The following EFNA5 variants were observed in gnomAD, a reference collection of about 807,000 sequenced individuals.
The protein encoded by EFNA5 is ephrin A5.
A neutral mutation model predicts 22.9 loss-of-function variants in EFNA5; 5 were observed. That is an observed-to-expected ratio of 0.22 (90% CI 0.11 to 0.46). EFNA5 has a LOEUF of 0.46. EFNA5 is among the 20% of genes least tolerant of loss of function. The pLI is 0.99. For synonymous variants in EFNA5, 113 were observed against 112.2 expected (o/e 1.01, Z -0.04); for missense variants, 237 against 293.3 (o/e 0.81, Z 1.40).
At chr5:107,442,155 T>C (rs559149752) in intron 1 of EFNA5, among the ~76,000 whole-genome samples, 1 of 151,710 alleles carries the variant, frequency 6.6e-6, no homozygotes, top group East Asian at 2.0e-4. Flanking sequence ...ACAGCATGCA[T>C]GACATCAGCT....
intron 1 of EFNA5, among the ~76,000 whole-genome samples, chr5:107,428,733 G>A (rs1211615133): frequency 1.3e-5 from 2 of 152,220 alleles, no homozygotes; most frequent in African/African-American, 4.8e-5. Context: ...CAGTCTGAGT[G>A]TGAACACTTC....
chr5:107,580,679 G>A (rs1265030127), intron 1 of EFNA5, among the ~76,000 whole-genome samples: 3 of 137,294 alleles, frequency 2.2e-5, no homozygotes, highest in Admixed American at 8.2e-5. Flanking sequence ...GCCGAGATGC[G>A]CCACTACACT....
intron 1 of EFNA5, among the ~76,000 whole-genome samples, chr5:107,586,276 T>C (rs1749184675): frequency 6.6e-6 from 1 of 152,196 alleles, no homozygotes; most frequent in Non-Finnish European, 1.5e-5. Flanking sequence ...ACCGCATATC[T>C]AGATCTCAGG....
At chr5:107,613,202 T>C (rs1259719273) in intron 1 of EFNA5, among the ~76,000 whole-genome samples, 4 of 152,170 alleles carry the variant, frequency 2.6e-5, no homozygotes, top group East Asian at 1.9e-4. Flanking sequence ...ATTTGCTAGT[T>C]ACTCATTTCT....
rs555405984 is a variant in EFNA5, at chr5:107,575,637, A to G, written c.125+94852T>C. On this transcript the variant is annotated intron_variant, in intron 1 of 4. Transcript: ENST00000333274. ...GATCCTGAAAACTATAAAATAATCT[A>G]TTGTAGACCTACTGAGCTCAATGAA... Among the ~76,000 whole-genome samples, 3 of 152,314 alleles carry G rather than the reference A, an allele frequency of 2.0e-5. No homozygotes were observed. The East Asian group carries it at 5.8e-4, about 29-fold the overall frequency.
At chr5:107,609,596 A>G (rs1162205051) in intron 1 of EFNA5, among the ~76,000 whole-genome samples, 3 of 152,222 alleles carry the variant, frequency 2.0e-5, no homozygotes, top group Non-Finnish European at 4.4e-5. Flanking sequence ...AGCCCACGTG[A>G]GAGCTGGAGG....
At chr5:107,414,901 A>G (rs1748463486) in intron 2 of EFNA5, among the ~76,000 whole-genome samples, 1 of 152,294 alleles carries the variant, frequency 6.6e-6, no homozygotes, top group South Asian at 2.1e-4. Context: ...AACTCAAGTA[A>G]AGGATATTAA....
chr5:107,423,339 C>T (rs1206793323), intron 2 of EFNA5, among the ~76,000 whole-genome samples: 1 of 150,978 alleles, frequency 6.6e-6, no homozygotes, highest in African/African-American at 2.4e-5. Context: ...TTCTATCAAA[C>T]ATATTCTCAT....
intron 1 of EFNA5, among the ~76,000 whole-genome samples, chr5:107,466,324 T>C (rs1749980425): frequency 6.6e-6 from 1 of 152,218 alleles, no homozygotes; most frequent in African/African-American, 2.4e-5. Flanking sequence ...TTTGCAGAGA[T>C]AATACTTCAT....
chr5:107,514,652 AT>A (rs1451927112), intron 1 of EFNA5, among the ~76,000 whole-genome samples: 1 of 152,162 alleles, frequency 6.6e-6, no homozygotes, highest in Non-Finnish European at 1.5e-5. Flanking sequence ...AACCCTTTTT[AT>A]TGTCAAGCAA....
At chr5:107,622,847 C>T (rs1750062513) in intron 1 of EFNA5, among the ~76,000 whole-genome samples, 1 of 150,898 alleles carries the variant, frequency 6.6e-6, no homozygotes, top group Non-Finnish European at 1.5e-5. Context: ...AGGTGAAACC[C>T]CGTCTCTACT....
At chr5:107,517,990 G>A (rs891135357) in intron 1 of EFNA5, among the ~76,000 whole-genome samples, 1 of 152,068 alleles carries the variant, frequency 6.6e-6, no homozygotes, top group African/African-American at 2.4e-5. Flanking sequence ...AACTATATAT[G>A]CAACAACAAA....
intron 1 of EFNA5, among the ~76,000 whole-genome samples, chr5:107,552,778 A>C (rs1748326296): frequency 6.6e-6 from 1 of 152,226 alleles, no homozygotes; most frequent in South Asian, 2.1e-4. Context: ...TGTCATGTGC[A>C]CCAGATATTG....
At chr5:107,541,733 T>C (rs534443072) in intron 1 of EFNA5, among the ~76,000 whole-genome samples, 8 of 152,224 alleles carry the variant, frequency 5.3e-5, no homozygotes, top group Non-Finnish European at 8.8e-5. Flanking sequence ...GCTTAACTTA[T>C]AGATTTTATA....
At position 107,406,083 on chromosome 5, in the gene EFNA5, A is replaced by T. The variant is rs1192111068; in HGVS notation, c.419-18312T>A. On this transcript the variant is annotated intron_variant, in intron 2 of 4. Coordinates refer to ENST00000333274, the MANE Select transcript of EFNA5 (RefSeq NM_001962.3). ...GTATTTATATACATAGAATGTATAC[A>T]AATACCTATATTTGTATACATATTC... Among the ~76,000 whole-genome samples, 9 of 125,448 alleles carry T rather than the reference A, an allele frequency of 7.2e-5. 2 individuals are homozygous for T. The highest frequency in any genetic ancestry group is 5.0e-4 in the South Asian group (2 of 4,038). 82.3% of individuals were successfully genotyped at this position (125,448 alleles called of 152,430 possible). A position where few individuals can be genotyped will look rare whatever the true frequency, so the allele number is the denominator to read the frequency against.
intron 1 of EFNA5, among the ~76,000 whole-genome samples, chr5:107,469,698 A>G (rs1370359583): frequency 1.3e-5 from 2 of 151,838 alleles, no homozygotes; most frequent in Non-Finnish European, 2.9e-5. Context: ...CTGTTTCCAC[A>G]TCACAAGAAT....
chr5:107,463,912 A>G (rs1390633620), intron 1 of EFNA5, among the ~76,000 whole-genome samples: 1 of 152,146 alleles, frequency 6.6e-6, no homozygotes, highest in Non-Finnish European at 1.5e-5. Flanking sequence ...TAAGTACCTA[A>G]CTGGGAAAAT....
intron 1 of EFNA5, among the ~76,000 whole-genome samples, chr5:107,550,757 T>C (rs954339097): frequency 1.3e-5 from 2 of 152,320 alleles, no homozygotes; most frequent in South Asian, 4.1e-4. Context: ...ATGCCACTAC[T>C]TGATAATCTG....
chr5:107,426,072 G>A (rs542036269), intron 2 of EFNA5, among the ~76,000 whole-genome samples: 9 of 152,186 alleles, frequency 5.9e-5, no homozygotes, highest in African/African-American at 1.4e-4. Flanking sequence ...AGCAATTGTC[G>A]ACTTATACTT....
Sources: gnomAD v4.1 joint callset for allele counts (sites outside exome capture counted in the v4.1 genomes callset) on GRCh38, gnomAD v4.1.1 for gene constraint, MANE v1.5 for transcripts, NCBI Gene and HGNC (gene_info 2026-07-23, HGNC 2026-07-21) for gene names.